MDH2: variants seen among roughly 807,000 people sequenced by gnomAD.
MDH2 encodes malate dehydrogenase 2.
Under a neutral mutation model 33.6 loss-of-function variants are expected in MDH2, and 25 were observed. The observed-to-expected ratio is 0.74, with a 90% CI of 0.54 to 1.04. The LOEUF is 1.04. Among genes scored for constraint, MDH2 ranks in the 50% least tolerant of loss-of-function variants. MDH2 has a pLI of 0.00. For missense variants in MDH2, 432 were observed against 445.0 expected (o/e 0.97, Z 0.26); for synonymous variants, 193 against 188.7 (o/e 1.02, Z -0.19).
Position 76,063,250 on chromosome 7 carries a change from GCTCA to G in MDH2, c.556-262_556-259del, listed in dbSNP as rs530628250. Among the ~76,000 whole-genome samples, 37 of 152,328 alleles carry G rather than the reference GCTCA, an allele frequency of 2.4e-4. 1 individual carries two copies. The East Asian group carries it at 6.8e-3, about 28-fold the overall frequency. On this transcript the variant is annotated intron_variant, in intron 5 of 8. Transcript: ENST00000315758. ...ATGCCCATCCACAGTGGGCACAAAT[GCTCA>G]CTATGAAGGAAGGACTTGCGATGGC...
rs782637025 is a variant in MDH2, at chr7:76,064,813, C to T, written c.745C>T (p.Leu249Phe). The change falls in exon 8 of 9, where the codon CTC (leucine) becomes TTC (phenylalanine). Residue 249 changes from leucine to phenylalanine, a missense_variant. Transcript: ENST00000315758. ...KAKAGAGSATLSMAYAGARFV... is the reference protein window; with the variant it reads ...KAKAGAGSATFSMAYAGARFV... ...CTGTGCCCCCCTAGGCTCTGCCACC[C>T]TCTCCATGGCGTATGCCGGCGCCCG... The T allele has an allele frequency of 1.6e-5, 26 of 1,613,890 alleles. No homozygotes were observed. Among genetic ancestry groups the T allele is most frequent in the Non-Finnish European group, 2.1e-5 (25 of 1,180,008 alleles).
chr7:76,050,205 G>GT (rs1351405877), intron 1 of MDH2, among the ~76,000 whole-genome samples: 13 of 151,406 alleles, frequency 8.6e-5, no homozygotes, highest in African/African-American at 3.2e-4. Flanking sequence ...AATTTTTGTA[G>GT]TTTTAGTAGA....
intron 5 of MDH2, among the ~76,000 whole-genome samples, chr7:76,061,344 C>T (rs1554586965): frequency 6.6e-6 from 1 of 152,168 alleles, no homozygotes; most frequent in Non-Finnish European, 1.5e-5. Context: ...TAGAGATGCC[C>T]CACTGTAACA....
In MDH2 at chr7:76,066,409, G is replaced by A. The variant is rs1465688723; in HGVS notation, c.1016G>A (p.Ter339=). The A allele has an allele frequency of 1.2e-6, 2 of 1,608,978 alleles. No homozygotes were observed. The highest frequency in any genetic ancestry group is 8.5e-7 in the Non-Finnish European group (1 of 1,177,978). The part of the protein sequence containing the change: ...KGEDFVKTLK[*] ...GAAGATTTCGTGAAGACCCTGAAGT[G>A]AGCCGCTGTGACGGGTGGCCAGTTT... The change falls in exon 9 of 9, where the codon TGA becomes TAA. Residue 339 remains the stop codon, a stop_retained_variant. Coordinates refer to ENST00000315758, the MANE Select transcript of MDH2 (RefSeq NM_005918.4).
Position 76,054,923 on chromosome 7 carries a change from AC to A in MDH2, c.163del (p.Leu55SerfsTer14). The stretch of plus-strand genomic sequence containing the variant: ...GAACAGCCCCTTGGTGAGCCGCCTG[AC>A]CCTCTATGATATCGCGCACACACCC... ...LKNSPLVSRL[T>X]LYDIAHTPGV... On this transcript the variant is annotated frameshift_variant, in exon 2 of 9. Transcript: ENST00000315758. LOFTEE classifies it high-confidence loss of function. The A allele has an allele frequency of 1.2e-6, 2 of 1,613,958 alleles. No homozygotes were observed. Among genetic ancestry groups the A allele is most frequent in the Non-Finnish European group, 1.7e-6 (2 of 1,179,988 alleles).
chr7:76,057,012 C>A (rs1797805140), intron 2 of MDH2, among the ~76,000 whole-genome samples: 2 of 143,620 alleles, frequency 1.4e-5, no homozygotes, highest in African/African-American at 2.6e-5. Context: ...GACTCCCTCT[C>A]AAAAAAAAAA....
In MDH2 at chr7:76,054,961, A is replaced by G; in HGVS notation, c.198A>G (p.Ala66=). ...YDIAHTPGVA[A]DLSHIETKAA... ...TCGCGCACACACCCGGAGTGGCCGC[A>G]GATCTGAGCCACATCGAGACCAAAG... The change falls in exon 2 of 9, where the codon GCA becomes GCG. Residue 66 remains alanine (A), a synonymous_variant. Coordinates refer to ENST00000315758, the MANE Select transcript of MDH2 (RefSeq NM_005918.4). 1.2e-6 allele frequency: 2 copies of G among 1,614,064 alleles called. No individual in the cohort carries two copies. Among genetic ancestry groups the G allele is most frequent in the Non-Finnish European group, 8.5e-7 (1 of 1,179,990 alleles).
intron 1 of MDH2, chr7:76,049,059 C>T (rs1554584855): frequency 2.0e-6 from 2 of 983,752 alleles, no homozygotes; most frequent in Admixed American, 1.3e-4. Context: ...GAGGTGCTCG[C>T]ATTGCCTTTT....
rs782294941 is a variant in MDH2 at position 76,054,871 on chromosome 7, C to G, written c.108C>G (p.Ile36Met). The stretch of plus-strand genomic sequence containing the variant: ...CTGTGCTAGGGGCCTCTGGAGGCAT[C>G]GGGCAGCCACTTTCACTTCTCCTGA... ...KVAVLGASGG[I>M]GQPLSLLLKN... Residue 36 changes from isoleucine (I) to methionine (M), a missense_variant, in exon 2 of 9, where the codon ATC (isoleucine) becomes ATG (methionine). Physicochemically the swap from Ile to Met is conservative, Grantham distance 10. Coordinates refer to ENST00000315758, the MANE Select transcript of MDH2 (RefSeq NM_005918.4). 1.2e-6 allele frequency: 2 copies of G among 1,614,060 alleles called. No homozygotes were observed. The highest frequency in any genetic ancestry group is 1.3e-5 in the African/African-American group (1 of 74,920).
intron 5 of MDH2, among the ~76,000 whole-genome samples, chr7:76,061,720 C>T (rs187021279): frequency 3.8e-4 from 58 of 152,000 alleles, no homozygotes; most frequent in Non-Finnish European, 2.4e-4. Flanking sequence ...TGCCGCAGTA[C>T]GGAAGTGGAC....
chr7:76,053,643 T>C (rs1386985050), intron 1 of MDH2, among the ~76,000 whole-genome samples: 1 of 152,204 alleles, frequency 6.6e-6, no homozygotes, highest in Non-Finnish European at 1.5e-5. Context: ...TCAGCTACTG[T>C]AGAAGACTGT....
intron 1 of MDH2, among the ~76,000 whole-genome samples, chr7:76,051,920 A>G (rs1554585507): frequency 6.6e-6 from 1 of 152,212 alleles, no homozygotes; most frequent in Non-Finnish European, 1.5e-5. Context: ...CGGGCCACCA[A>G]AGATTTTCAT....
chr7:76,056,805 G>C (rs1174165745), intron 2 of MDH2, among the ~76,000 whole-genome samples: 1 of 152,156 alleles, frequency 6.6e-6, no homozygotes, highest in Non-Finnish European at 1.5e-5. Flanking sequence ...TTGAGTTCAA[G>C]AGTTCAAAAC....
At chr7:76,051,065 A>G (rs1205489614) in intron 1 of MDH2, among the ~76,000 whole-genome samples, 3 of 151,810 alleles carry the variant, frequency 2.0e-5, no homozygotes, top group African/African-American at 7.3e-5. Flanking sequence ...TTGTATTTTC[A>G]GTAGAGATGG....
intron 4 of MDH2, among the ~76,000 whole-genome samples, chr7:76,059,842 C>CG (rs1285438056): frequency 1.3e-5 from 2 of 152,194 alleles, no homozygotes; most frequent in Non-Finnish European, 2.9e-5. Context: ...CATCTTCTGG[C>CG]GTCCCGGGTG....
intron 7 of MDH2, 103 bp downstream of exon 7, chr7:76,064,541 C>A: frequency 9.0e-7 from 1 of 1,110,106 alleles, no homozygotes; most frequent in Non-Finnish European, 1.3e-6. Flanking sequence ...CGATCCTTTT[C>A]AGTGTTGATT....
In MDH2 at chr7:76,060,465, C is replaced by T. The variant is rs782299457; in HGVS notation, c.522C>T (p.Ile174=). The T allele has an allele frequency of 5.6e-6, 9 of 1,614,020 alleles. No homozygotes were observed. The highest frequency in any genetic ancestry group is 1.6e-4 in the Middle Eastern group (1 of 6,084). Reference sequence around the variant, plus strand: ...TCTTCGGCGTGACGACCCTGGACATCGTCAGAGCCAACACCTTTGTTGCAG... The same window carrying T: ...TCTTCGGCGTGACGACCCTGGACATTGTCAGAGCCAACACCTTTGTTGCAG... The part of the protein sequence containing the change: ...NKIFGVTTLD[I]VRANTFVAEL... Residue 174 remains isoleucine (I), a synonymous_variant, in exon 5 of 9, where the codon ATC becomes ATT. Coordinates refer to ENST00000315758, the MANE Select transcript of MDH2 (RefSeq NM_005918.4).
Position 76,064,358 on chromosome 7 carries a change from T to C in MDH2, c.653T>C (p.Phe218Ser). The change falls in exon 7 of 9, where the codon TTT (phenylalanine) becomes TCT (serine). Residue 218 changes from phenylalanine (F) to serine (S), a missense_variant. Phe to Ser is a radical substitution (Grantham distance 155). Transcript: ENST00000315758. ...LISQCTPKVD[F>S]PQDQLTALTG... ...TTGCAGTGCACCCCCAAGGTGGACT[T>C]TCCCCAGGACCAGCTGACAGCACTC... The C allele has an allele frequency of 1.9e-6, 3 of 1,613,152 alleles. No individual in the cohort carries two copies. The highest frequency in any genetic ancestry group is 3.3e-4 in the Middle Eastern group (2 of 6,058).
At chr7:76,055,082 A>G in intron 2 of MDH2, 84 bp downstream of exon 2, 4 of 1,449,480 alleles carry the variant, frequency 2.8e-6, no homozygotes, top group Non-Finnish European at 3.7e-6. Context: ...CTTAGATGAA[A>G]CTAAATGTTT....
Sources: gnomAD v4.1 joint callset for allele counts (sites outside exome capture counted in the v4.1 genomes callset) on GRCh38, gnomAD v4.1.1 for gene constraint, MANE v1.5 for transcripts, NCBI Gene and HGNC (gene_info 2026-07-23, HGNC 2026-07-21) for gene names.